MCPH1: variants seen among roughly 807,000 people sequenced by gnomAD.
MCPH1 encodes the protein microcephalin.
MCPH1 carries 104 observed loss-of-function variants against 84.5 expected under a neutral mutation model. The observed-to-expected ratio is 1.23, with a 90% CI of 1.05 to 1.45. The LOEUF is 1.45. Ranked by LOEUF, MCPH1 falls within the 40% of genes most tolerant of loss-of-function variation. MCPH1 has a pLI of 0.00. For synonymous variants in MCPH1, 514 were observed against 366.8 expected, an observed-to-expected ratio of 1.40 and a Z score of -4.58; for missense variants, 1,498 against 1,005.7, an observed-to-expected ratio of 1.49 and a Z score of -6.62.
chr8:6,428,910 A>G (rs562872194), intron 3 of MCPH1, among the ~76,000 whole-genome samples: 4 of 68,298 alleles, frequency 5.9e-5, no homozygotes, highest in South Asian at 5.8e-4. Flanking sequence ...GGTGACCTCC[A>G]TATTTCTAAA....
intron 12 of MCPH1, among the ~76,000 whole-genome samples, chr8:6,569,629 T>A (rs1040829075): frequency 1.3e-5 from 2 of 152,198 alleles, no homozygotes; most frequent in South Asian, 4.1e-4. Context: ...CAAGGCTCCG[T>A]GAAGAGAGAG....
chr8:6,539,848 A>G (rs2129573486), intron 12 of MCPH1, among the ~76,000 whole-genome samples: 1 of 152,316 alleles, frequency 6.6e-6, no homozygotes, highest in East Asian at 1.9e-4. Flanking sequence ...TGGCCTCCCA[A>G]AGTGCTAGGA....
intron 12 of MCPH1, among the ~76,000 whole-genome samples, chr8:6,550,908 C>T (rs1823532091): frequency 6.6e-6 from 1 of 152,212 alleles, no homozygotes; most frequent in African/African-American, 2.4e-5. Flanking sequence ...TTCACAATTA[C>T]AGCCCAAGGA....
chr8:6,538,822 T>C (rs1820978239), intron 12 of MCPH1, among the ~76,000 whole-genome samples: 1 of 152,208 alleles, frequency 6.6e-6, no homozygotes, highest in African/African-American at 2.4e-5. Flanking sequence ...ATATACACCC[T>C]AGTAACAACA....
chr8:6,485,487 C>G (rs1312618669), intron 11 of MCPH1, among the ~76,000 whole-genome samples: 1 of 151,942 alleles, frequency 6.6e-6, no homozygotes, highest in African/African-American at 2.4e-5. Flanking sequence ...TGTACCTATA[C>G]TTCCTGTTAG....
rs145677026 is a variant in MCPH1, at chr8:6,607,222, C to T, written c.2215-14232C>T. 1.3e-3 allele frequency among the ~76,000 whole-genome samples: 204 copies of T among 152,292 alleles called. 2 individuals carry two copies. Among genetic ancestry groups the T allele is most frequent in the African/African-American group, 4.6e-3 (192 of 41,560 alleles). On this transcript the variant is annotated intron_variant, in intron 12 of 13. Transcript: ENST00000344683. ...CCAATACTTGGAGGAAAGGAACATC[C>T]TTGTCTCTGAAGACACAGAGCACAG...
At chr8:6,579,044 T>C (rs1231183375) in intron 12 of MCPH1, among the ~76,000 whole-genome samples, 1 of 152,228 alleles carries the variant, frequency 6.6e-6, no homozygotes. Flanking sequence ...ACTGAGGCCC[T>C]GTGGGATGGA....
At chr8:6,519,870 C>A (rs774737058) in intron 12 of MCPH1, 3 of 1,613,836 alleles carry the variant, frequency 1.9e-6, no homozygotes, top group South Asian at 1.1e-5. Flanking sequence ...TCACCTTGAT[C>A]TCTTCTGTAG....
At chr8:6,411,714 T>G (rs935433200) in intron 2 of MCPH1, among the ~76,000 whole-genome samples, 1 of 152,216 alleles carries the variant, frequency 6.6e-6, no homozygotes, top group African/African-American at 2.4e-5. Context: ...TTATTGTTAA[T>G]CTGTGCCTAA....
intron 8 of MCPH1, among the ~76,000 whole-genome samples, chr8:6,449,400 G>A (rs560372009): frequency 4.3e-4 from 65 of 152,254 alleles, no homozygotes; most frequent in Non-Finnish European, 7.4e-4. Flanking sequence ...TTGGGAGGCC[G>A]AGGTAGGTGG....
intron 12 of MCPH1, among the ~76,000 whole-genome samples, chr8:6,610,849 A>T (rs1165490163): frequency 6.6e-6 from 1 of 152,124 alleles, no homozygotes; most frequent in African/African-American, 2.4e-5. Context: ...GAAAAAAAAA[A>T]ACCTTTCTTG....
chr8:6,626,430 C>T (rs1277818192), intron 13 of MCPH1: 3 of 982,562 alleles, frequency 3.1e-6, no homozygotes, highest in Non-Finnish European at 1.2e-6. Context: ...ATGAATCATT[C>T]AACCAGAAGG....
intron 12 of MCPH1, chr8:6,616,470 G>A (rs149419840): frequency 1.0e-3 from 153 of 152,330 alleles, no homozygotes; most frequent in African/African-American, 3.4e-3. Context: ...AAATAGATTC[G>A]GAGAGTGTGA....
intron 12 of MCPH1, chr8:6,500,725 A>G (rs1412262292): frequency 6.6e-6 from 1 of 152,224 alleles, no homozygotes; most frequent in Non-Finnish European, 1.5e-5. Flanking sequence ...AGGAGAGACA[A>G]AAGCTCCTCT....
rs1463245513 is a variant in MCPH1, at chr8:6,636,479, A to G, written c.2453-6515A>G. On this transcript the variant is annotated intron_variant, in intron 13 of 13. Transcript: ENST00000344683. Reference sequence around the variant, plus strand: ...ACACAGACTTTGTTTCATGCACAAAATTTGTTTGTTTATTTTTTGAAACAG... The same window carrying G: ...ACACAGACTTTGTTTCATGCACAAAGTTTGTTTGTTTATTTTTTGAAACAG... Among the ~76,000 whole-genome samples the G allele has an allele frequency of 2.0e-5, 3 of 151,982 alleles. No homozygotes were observed. The East Asian group carries it at 5.8e-4, about 29-fold the overall frequency.
intron 13 of MCPH1, chr8:6,622,365 T>A (rs183472694): frequency 6.4e-4 from 99 of 155,712 alleles, no homozygotes; most frequent in Admixed American, 3.5e-3. Context: ...TTGCAGGTGA[T>A]CCCCGGAGAA....
At chr8:6,440,698 T>G (rs556294478) in intron 6 of MCPH1, among the ~76,000 whole-genome samples, 4 of 152,342 alleles carry the variant, frequency 2.6e-5, no homozygotes, top group African/African-American at 9.6e-5. Flanking sequence ...TACTTTTGAT[T>G]AGAAGCAGGT....
At position 6,545,086 on chromosome 8, in the gene MCPH1, G is replaced by C. The variant is rs1024544769; in HGVS notation, c.2214+45157G>C. 3.3e-5 allele frequency among the ~76,000 whole-genome samples: 5 copies of C among 152,102 alleles called. No homozygotes were observed. In the East Asian group the frequency reaches 9.6e-4, roughly 29 times the overall value. On this transcript the variant is annotated intron_variant, in intron 12 of 13. Coordinates refer to ENST00000344683, the MANE Select transcript of MCPH1 (RefSeq NM_024596.5). ...TTGGGTCACAGAAGCCACACCCTAG[G>C]AGTGCTTACTAGATGATCCATTTCC... is the stretch of plus-strand genomic sequence containing the variant.
At chr8:6,522,319 C>T (rs915185461) in intron 12 of MCPH1, among the ~76,000 whole-genome samples, 10 of 151,756 alleles carry the variant, frequency 6.6e-5, no homozygotes, top group Non-Finnish European at 1.0e-4. Context: ...CATGCCACTG[C>T]ACTCCAGCCT....
Sources: allele counts gnomAD v4.1 joint callset (sites outside exome capture counted in the v4.1 genomes callset), GRCh38; gene constraint gnomAD v4.1.1; transcripts MANE v1.5; gene names NCBI Gene and HGNC (gene_info 2026-07-23, HGNC 2026-07-21).